The following ERCC5 variants were observed in gnomAD, a reference collection of about 807,000 sequenced individuals.
ERCC5 encodes ERCC excision repair 5, endonuclease.
A neutral mutation model predicts 105.6 loss-of-function variants in ERCC5; 68 were observed. The observed-to-expected ratio is 0.64, with a 90% confidence interval of 0.53 to 0.79. ERCC5 has a LOEUF of 0.79. Ranked by LOEUF, ERCC5 falls within the 30% of genes least tolerant of loss-of-function variation. The pLI is 0.00. For missense variants in ERCC5, 1,373 were observed against 1,426.7 expected, an observed-to-expected ratio of 0.96 and a Z score of 0.61; for synonymous variants, 546 against 526.2, an observed-to-expected ratio of 1.04 and a Z score of -0.51.
intron 9 of ERCC5, 155 bp from the exon 10 acceptor site, chr13:102,866,105 TAA>T: frequency 1.4e-6 from 2 of 1,449,848 alleles, no homozygotes; most frequent in Non-Finnish European, 1.9e-6. Flanking sequence ...GATGAATCTC[TAA>T]AGATATTACA....
rs373893754 is a variant in ERCC5 at position 102,862,959 on chromosome 13, G to A, written c.1810G>A (p.Val604Met). The change falls in exon 8 of 15, where the codon GTG becomes ATG. Residue 604 changes from valine (V) to methionine (M), a missense_variant. Val to Met is a conservative substitution (Grantham distance 21). Around this residue, in one of 3 missense-constraint regions of ERCC5, gnomAD observed 1,004 missense variants for 1,059.7 expected, o/e 0.95. Transcript: ENST00000652225. Reference protein sequence around the residue: ...SEAVDNVENVVSFNAKEHENF... With the variant: ...SEAVDNVENVMSFNAKEHENF... ...GGCAGTAGATAATGTGGAAAATGTG[G>A]TGTCATTTAATGCTAAAGAGCATGA... 6.2e-7 allele frequency: 1 copy of A among 1,614,218 alleles called. No homozygotes were observed. The highest frequency in any genetic ancestry group is 2.2e-5 in the East Asian group (1 of 44,890).
In ERCC5 at chr13:102,862,322, T is replaced by G. The variant is rs200101185; in HGVS notation, c.1173T>G (p.Ile391Met). ...GSISPRTLSAIKRALDDDEDV... is the reference protein window; with the variant it reads ...GSISPRTLSAMKRALDDDEDV... ...TATCACCCCGGACTCTTTCAGCCAT[T>G]AAGAGAGCTCTTGACGATGACGAAG... Residue 391 changes from isoleucine (I) to methionine (M), a missense_variant, in exon 8 of 15, where the codon ATT (isoleucine) becomes ATG (methionine). Physicochemically the swap from Ile to Met is conservative, Grantham distance 10 (BLOSUM62 1). Coordinates refer to ENST00000652225, the MANE Select transcript of ERCC5 (RefSeq NM_000123.4). 17 of 1,614,084 alleles carry G rather than the reference T, an allele frequency of 1.1e-5. No individual in the cohort carries two copies. Among genetic ancestry groups the G allele is most frequent in the Non-Finnish European group, 1.4e-5 (17 of 1,180,008 alleles).
At chr13:102,861,112 C>T (rs1290424731) in intron 6 of ERCC5, among the ~76,000 whole-genome samples, 7 of 151,692 alleles carry the variant, frequency 4.6e-5, no homozygotes, top group African/African-American at 1.7e-4. Flanking sequence ...CCTCAGTCTC[C>T]TGGGTAGCTG....
chr13:102,874,245 C>T (rs1349954503), intron 14 of ERCC5, among the ~76,000 whole-genome samples: 1 of 152,096 alleles, frequency 6.6e-6, no homozygotes, highest in Admixed American at 6.5e-5. Flanking sequence ...TAAAACTACT[C>T]ATTAGTTACC....
chr13:102,862,987 AT>A lies in ERCC5; in HGVS notation c.1842del (p.Leu615TrpfsTer17). 3 of 1,614,210 alleles carry A rather than the reference AT, an allele frequency of 1.9e-6. No individual in the cohort carries two copies. The highest frequency in any genetic ancestry group is 2.5e-6 in the Non-Finnish European group (3 of 1,180,044). On this transcript the variant is annotated frameshift_variant, in exon 8 of 15. Transcript: ENST00000652225. LOFTEE classifies it high-confidence loss of function. ...TCATTTAATGCTAAAGAGCATGAGA[AT>A]TTTCTGGAAACCATCCAAGAACAGC... ...VVSFNAKEHE[N>X]FLETIQEQQT... is the part of the protein sequence containing the mutation.
At chr13:102,857,195 CCT>C (rs1882456455) in intron 5 of ERCC5, among the ~76,000 whole-genome samples, 1 of 152,122 alleles carries the variant, frequency 6.6e-6, no homozygotes, top group Non-Finnish European at 1.5e-5. Flanking sequence ...TGAGCTAAAA[CCT>C]CGAGATCCTT....
At position 102,858,288 on chromosome 13, in the gene ERCC5, A is replaced by G. The variant is rs4150295; in HGVS notation, c.542A>G (p.His181Arg). ...TTATCTTTACAGGAAGAGTTCTTTC[A>G]TAATCCTCAAGCGATAGATATTGAG... is the stretch of plus-strand genomic sequence containing the variant. ...QKQALQEEFF[H>R]NPQAIDIESE... The change falls in exon 6 of 15, where the codon CAT becomes CGT. Residue 181 changes from histidine to arginine, a missense_variant. Physicochemically the swap from His to Arg is conservative, Grantham distance 29. This residue lies in a region of ERCC5 where 1,004 missense variants were observed against 1,059.7 expected (regional missense o/e 0.95). Coordinates refer to ENST00000652225, the MANE Select transcript of ERCC5 (RefSeq NM_000123.4). 3.7e-4 allele frequency: 596 copies of G among 1,614,054 alleles called. No individual in the cohort carries two copies. The highest frequency in any genetic ancestry group is 4.7e-4 in the Non-Finnish European group (557 of 1,180,028).
chr13:102,866,695 G>A lies in ERCC5; in HGVS notation c.2383G>A (p.Ala795Thr), dbSNP rs751772171. The change falls in exon 11 of 15, where the codon GCC becomes ACC. Residue 795 changes from alanine to threonine, a missense_variant. Transcript: ENST00000652225. ...QAPMEAEAQC[A>T]ILDLTDQTSG... is the part of the protein sequence containing the mutation. The stretch of plus-strand genomic sequence containing the variant: ...TCCCATGGAAGCAGAGGCGCAGTGC[G>A]CCATCCTGGACCTGACTGATCAGAC... The A allele has an allele frequency of 4.5e-5, 72 of 1,614,086 alleles. No homozygotes were observed. Among genetic ancestry groups the A allele is most frequent in the Non-Finnish European group, 5.9e-5 (70 of 1,180,048 alleles).
Position 102,865,683 on chromosome 13 carries a change from G to A in ERCC5, c.1971G>A (p.Val657=). The A allele has an allele frequency of 1.9e-6, 3 of 1,613,790 alleles. No individual in the cohort carries two copies. Among genetic ancestry groups the A allele is most frequent in the Admixed American group, 1.7e-5 (1 of 59,990 alleles). Residue 657 remains valine (V), a synonymous_variant, in exon 9 of 15, where the codon GTG becomes GTA. Transcript: ENST00000652225. The surrounding 1 kb of genome is among the most constrained non-coding windows in gnomAD (Gnocchi z 4.0). ...TTGGTACAGGAAGTTTCATTGAAGT[G>A]CAAAGTGTGATTAGTGATGAGGAAC... ...ESESDGSFIE[V]QSVISDEELQ...
In ERCC5 at chr13:102,862,079, T is replaced by G; in HGVS notation, c.930T>G (p.Ser310=). 1 of 1,614,240 alleles carries G rather than the reference T, an allele frequency of 6.2e-7. No homozygotes were observed. The highest frequency in any genetic ancestry group is 8.5e-7 in the Non-Finnish European group (1 of 1,180,044). The change falls in exon 8 of 15, where the codon TCT becomes TCG. Residue 310 remains serine (S), a synonymous_variant. Transcript: ENST00000652225. The part of the protein sequence containing the change: ...VAEVDSESLP[S]SSKMHGMSFD... ...AAGTGGATTCAGAGTCTCTTCCTTC[T>G]TCCAGCAAAATGCACGGCATGTCTT... is the stretch of plus-strand genomic sequence containing the variant.
intron 6 of ERCC5, among the ~76,000 whole-genome samples, chr13:102,860,623 C>T (rs1294953592): frequency 6.6e-6 from 1 of 152,102 alleles, no homozygotes; most frequent in Non-Finnish European, 1.5e-5. Flanking sequence ...ACTTATTAGC[C>T]CTGTGACTCT....
At chr13:102,854,671 A>G (rs1439764399) in intron 4 of ERCC5, among the ~76,000 whole-genome samples, 1 of 152,248 alleles carries the variant, frequency 6.6e-6, no homozygotes, top group Non-Finnish European at 1.5e-5. Flanking sequence ...TTGCTTACAC[A>G]TGCTGTCTCT....
At chr13:102,863,789 G>A (rs1442293828) in intron 8 of ERCC5, among the ~76,000 whole-genome samples, 1 of 152,112 alleles carries the variant, frequency 6.6e-6, no homozygotes, top group East Asian at 1.9e-4. Flanking sequence ...GGGACAGTAG[G>A]GGATTATGCA....
At chr13:102,854,444 T>A in intron 4 of ERCC5, 70 bp downstream of exon 4, 1 of 1,449,888 alleles carries the variant, frequency 6.9e-7, no homozygotes, top group Non-Finnish European at 9.6e-7. Context: ...AACCTTGATG[T>A]GTTATCTACA....
Position 102,852,104 on chromosome 13 carries a change from A to T in ERCC5, c.89-14A>T. 2 of 1,613,844 alleles carry T rather than the reference A, an allele frequency of 1.2e-6. No homozygotes were observed. Among genetic ancestry groups the T allele is most frequent in the Non-Finnish European group, 1.7e-6 (2 of 1,179,936 alleles). On this transcript the variant is annotated splice_polypyrimidine_tract_variant and intron_variant, in intron 1 of 14. Coordinates refer to ENST00000652225, the MANE Select transcript of ERCC5 (RefSeq NM_000123.4). ...GAAAAATCCCGGAGTTTTTTCCATT[A>T]ACAATTCTCCCAGATATTAGCATTT...
In ERCC5 at chr13:102,861,526, A is replaced by G. The variant is rs2140526171; in HGVS notation, c.692A>G (p.Gln231Arg). 3 of 1,614,166 alleles carry G rather than the reference A, an allele frequency of 1.9e-6. No individual in the cohort carries two copies. The highest frequency in any genetic ancestry group is 2.5e-6 in the Non-Finnish European group (3 of 1,180,018). The change falls in exon 7 of 15, where the codon CAG (glutamine) becomes CGG (arginine). Residue 231 changes from glutamine (Q) to arginine (R), a missense_variant. Physicochemically the swap from Gln to Arg is conservative, Grantham distance 43. Around this residue, in one of 3 missense-constraint regions of ERCC5, gnomAD observed 1,004 missense variants for 1,059.7 expected, o/e 0.95. Coordinates refer to ENST00000652225, the MANE Select transcript of ERCC5 (RefSeq NM_000123.4). The stretch of plus-strand genomic sequence containing the variant: ...CTTTAGGAGTCTGATGACTTTTCAC[A>G]GTACCAACTCAAAGGCTTGCTTAAA... ...AMPEESDDFS[Q>R]YQLKGLLKKN...
At chr13:102,854,415 C>T (rs1243317716) in intron 4 of ERCC5, 41 bp downstream of exon 4, 1 of 1,583,872 alleles carries the variant, frequency 6.3e-7, no homozygotes, top group African/African-American at 1.4e-5. Flanking sequence ...TTAGTCATTG[C>T]TACATTCAGA....
At position 102,872,366 on chromosome 13, in the gene ERCC5, G is replaced by A; in HGVS notation, c.2847G>A (p.Leu949=). Residue 949 remains leucine, a synonymous_variant, in exon 13 of 15, where the codon CTG becomes CTA. Transcript: ENST00000652225. The part of the protein sequence containing the change: ...PVVDDSKGSF[L]WGKPDLDKIR... ...TGGATGACTCGAAGGGATCCTTTCT[G>A]TGGGGGAAACCTGATCTCGACAAAA... 1 of 1,614,188 alleles carries A rather than the reference G, an allele frequency of 6.2e-7. No individual in the cohort carries two copies. Among genetic ancestry groups the A allele is most frequent in the Admixed American group, 1.7e-5 (1 of 60,024 alleles).
chr13:102,875,770 C>A lies in ERCC5; in HGVS notation c.3428C>A (p.Ala1143Glu), dbSNP rs376411022. 1 of 1,613,998 alleles carries A rather than the reference C, an allele frequency of 6.2e-7. No homozygotes were observed. The highest frequency in any genetic ancestry group is 8.5e-7 in the Non-Finnish European group (1 of 1,180,008). ...VKEAPVKNGGATTSSSSDSDD... is the reference protein window; with the variant it reads ...VKEAPVKNGGETTSSSSDSDD... ...GAAGCTCCCGTGAAGAATGGAGGTG[C>A]GACCACCAGCAGCTCTAGTGATAGT... The change falls in exon 15 of 15, where the codon GCG (alanine) becomes GAG (glutamate). Residue 1143 changes from alanine to glutamate, a missense_variant. Ala to Glu is a moderately radical substitution (Grantham distance 107). Around this residue, in one of 3 missense-constraint regions of ERCC5, gnomAD observed 367 missense variants for 350.2 expected, o/e 1.05. Coordinates refer to ENST00000652225, the MANE Select transcript of ERCC5 (RefSeq NM_000123.4).
Sources: gnomAD v4.1 joint callset for allele counts (sites outside exome capture counted in the v4.1 genomes callset) on GRCh38, gnomAD v4.1.1 for gene constraint, gnomAD v4.1.1 regional missense constraint, Gnocchi (gnomAD v3.1) non-coding constraint, MANE v1.5 for transcripts, NCBI Gene and HGNC (gene_info 2026-07-23, HGNC 2026-07-21) for gene names.